SIMC1: variants seen among roughly 807,000 people sequenced by gnomAD.
The protein encoded by SIMC1 is SUMO-interacting motif-containing protein 1.
A neutral mutation model predicts 82.3 loss-of-function variants in SIMC1; 55 were observed. That is an observed-to-expected ratio of 0.67 (90% CI 0.54 to 0.84). The LOEUF is 0.84. SIMC1 is among the 40% of genes least tolerant of loss of function. The pLI, the probability that SIMC1 is intolerant of heterozygous loss-of-function variation, is 0.00. For synonymous variants in SIMC1, 353 were observed against 426.3 expected, an observed-to-expected ratio of 0.83 and a Z score of 2.12; for missense variants, 915 against 1,107.2, an observed-to-expected ratio of 0.83 and a Z score of 2.46.
At position 176,290,602 on chromosome 5, in the gene SIMC1, C is replaced by A. The variant is rs1763513119; in HGVS notation, c.1078C>A (p.Pro360Thr). 6.2e-7 allele frequency: 1 copy of A among 1,613,878 alleles called. No individual in the cohort carries two copies. The highest frequency in any genetic ancestry group is 1.7e-5 in the Admixed American group (1 of 60,002). ...PHSSGDVTHS[P>T]RDIPHLPGDR... Reference sequence around the variant, plus strand: ...CTCATCAGGGGACGTGACACACTCACCTAGAGACATCCCTCACTTACCAGG... The same window carrying A: ...CTCATCAGGGGACGTGACACACTCAACTAGAGACATCCCTCACTTACCAGG... Residue 360 changes from proline (P) to threonine (T), a missense_variant, in exon 2 of 10, where the codon CCT becomes ACT. Physicochemically the swap from Pro to Thr is conservative, Grantham distance 38. Coordinates refer to ENST00000429602, the MANE Select transcript of SIMC1 (RefSeq NM_001308195.2).
intron 9 of SIMC1, among the ~76,000 whole-genome samples, chr5:176,342,592 A>G (rs939908312): frequency 1.3e-5 from 2 of 152,192 alleles, no homozygotes; most frequent in African/African-American, 4.8e-5. Flanking sequence ...TTACCACGGC[A>G]GAAGGCTTCC....
intron 1 of SIMC1, among the ~76,000 whole-genome samples, chr5:176,262,892 CAAAG>C (rs1414045678): frequency 6.6e-6 from 1 of 151,238 alleles, no homozygotes; most frequent in Non-Finnish European, 1.5e-5. Context: ...TAGAAAATCT[CAAAG>C]AATCTAGAAA....
chr5:176,257,880 G>A (rs550410959), intron 1 of SIMC1, among the ~76,000 whole-genome samples: 9 of 152,202 alleles, frequency 5.9e-5, no homozygotes, highest in East Asian at 3.9e-4. Flanking sequence ...ACCTCTACCC[G>A]CTAGATGCCT....
chr5:176,309,118 C>T, intron 4 of SIMC1: 3 of 646,474 alleles, frequency 4.6e-6, no homozygotes, highest in South Asian at 1.9e-5. Context: ...TACCTGACTT[C>T]AAGACTTACT....
In SIMC1 at chr5:176,322,660, C is replaced by T. The variant is rs1282518538; in HGVS notation, c.2042+235C>T. 1.5e-5 allele frequency: 7 copies of T among 471,014 alleles called. No individual in the cohort carries two copies. The East Asian group carries it at 2.3e-4, about 15-fold the overall frequency. The allele number at this position is 471,014 out of a possible 1,614,324, so 29.2% of individuals were successfully genotyped here. A position where few individuals can be genotyped will look rare whatever the true frequency, so the allele number is the denominator to read the frequency against. On this transcript the variant is annotated intron_variant, in intron 6 of 9. Coordinates refer to ENST00000429602, the MANE Select transcript of SIMC1 (RefSeq NM_001308195.2). ...ACTTCACAAAGTGAATACGAAGTCA[C>T]AACGCAGATGCAAAACAAATGCTAG...
chr5:176,339,927 C>G (rs1443293901), intron 9 of SIMC1, among the ~76,000 whole-genome samples: 1 of 152,128 alleles, frequency 6.6e-6, no homozygotes, highest in Non-Finnish European at 1.5e-5. Flanking sequence ...TGTGAGGGCC[C>G]TTCGTCTCAT....
chr5:176,323,411 AT>A (rs760605480), intron 6 of SIMC1, among the ~76,000 whole-genome samples: 7 of 152,182 alleles, frequency 4.6e-5, no homozygotes, highest in Non-Finnish European at 1.0e-4. Flanking sequence ...CTAAAAGTCA[AT>A]TTTGTTATGA....
intron 5 of SIMC1, among the ~76,000 whole-genome samples, chr5:176,321,852 C>G (rs974059098): frequency 1.4e-5 from 2 of 142,016 alleles, no homozygotes; most frequent in African/African-American, 5.1e-5. Context: ...TGAATACTTA[C>G]AATTCAAAGA....
At chr5:176,288,694 T>C (rs1763405858) in intron 1 of SIMC1, among the ~76,000 whole-genome samples, 1 of 152,192 alleles carries the variant, frequency 6.6e-6, no homozygotes, top group Non-Finnish European at 1.5e-5. Flanking sequence ...TGTATTCTGC[T>C]TTGGTGCTGT....
intron 4 of SIMC1, among the ~76,000 whole-genome samples, chr5:176,298,700 G>A (rs2113291191): frequency 6.6e-6 from 1 of 152,278 alleles, no homozygotes; most frequent in Admixed American, 6.5e-5. Flanking sequence ...AAATTGCAGT[G>A]GAGTAGTAAA....
chr5:176,276,081 G>A (rs1380169160), intron 1 of SIMC1, among the ~76,000 whole-genome samples: 3 of 151,512 alleles, frequency 2.0e-5, no homozygotes, highest in Non-Finnish European at 4.4e-5. Context: ...GGTAGAATTC[G>A]GCTGTGAATC....
At chr5:176,281,578 G>C (rs1368898275) in intron 1 of SIMC1, among the ~76,000 whole-genome samples, 2 of 152,098 alleles carry the variant, frequency 1.3e-5, no homozygotes, top group Non-Finnish European at 2.9e-5. Context: ...TTTGGTCTTT[G>C]ATGATGGTGA....
At chr5:176,255,508 G>A (rs980113485) in intron 1 of SIMC1, among the ~76,000 whole-genome samples, 21 of 150,704 alleles carry the variant, frequency 1.4e-4, no homozygotes, top group South Asian at 1.3e-3. Context: ...GCTTGAACCC[G>A]GAGGCAGAAG....
intron 4 of SIMC1, chr5:176,308,056 G>A: frequency 1.4e-6 from 1 of 712,946 alleles, no homozygotes; most frequent in Non-Finnish European, 2.6e-6. Flanking sequence ...CAATGAGCTG[G>A]GCCAAGATGG....
intron 7 of SIMC1, among the ~76,000 whole-genome samples, chr5:176,335,345 T>G (rs1294909508): frequency 6.7e-6 from 1 of 148,956 alleles, no homozygotes; most frequent in Non-Finnish European, 1.5e-5. Flanking sequence ...GGTGCAGTCT[T>G]GGCTCACTGC....
intron 7 of SIMC1, among the ~76,000 whole-genome samples, chr5:176,333,384 C>G (rs1411354869): frequency 1.3e-5 from 2 of 152,064 alleles, no homozygotes; most frequent in Non-Finnish European, 2.9e-5. Flanking sequence ...TTTCACTCAG[C>G]ATAATTCCCT....
At chr5:176,335,306 TCGCTGTGTTGCCCA>T (rs1159172442) in intron 7 of SIMC1, among the ~76,000 whole-genome samples, 49 of 144,234 alleles carry the variant, frequency 3.4e-4, no homozygotes, top group Middle Eastern at 3.5e-3. Flanking sequence ...AGATTGAGTC[TCGCTGTGTTGCCCA>T]GGCTGGATTG....
At chr5:176,304,233 T>TCCCTCTCCCTCTCCCTCG (rs1764174383) in intron 4 of SIMC1, 1 of 152,328 alleles carries the variant, frequency 6.6e-6, no homozygotes, top group Admixed American at 6.6e-5. Context: ...CCTCTCCCTC[T>TCCCTCTCCCTCTCCCTCG]CCCTCTCATG....
chr5:176,308,746 G>T, intron 4 of SIMC1: 1 of 1,406,048 alleles, frequency 7.1e-7, no homozygotes, highest in South Asian at 1.2e-5. Flanking sequence ...GGGAAAGCGT[G>T]CCTTGAATCA....
Sources: allele counts gnomAD v4.1 joint callset (sites outside exome capture counted in the v4.1 genomes callset), GRCh38; gene constraint gnomAD v4.1.1; transcripts MANE v1.5; gene names NCBI Gene and HGNC (gene_info 2026-07-23, HGNC 2026-07-21).